Variants in ZSWIM5 observed in about 807,000 individuals in gnomAD.
ZSWIM5 encodes zinc finger SWIM domain-containing protein 5.
A neutral mutation model predicts 119.6 loss-of-function variants in ZSWIM5; 55 were observed. The observed-to-expected ratio is 0.46, with a 90% CI of 0.37 to 0.58. The LOEUF is 0.58. Ranked by LOEUF, ZSWIM5 falls within the 20% of genes least tolerant of loss-of-function variation. ZSWIM5 has a pLI of 0.00. For synonymous variants in ZSWIM5, 537 were observed against 606.9 expected, an observed-to-expected ratio of 0.88 and a Z score of 1.69; for missense variants, 1,193 against 1,512.8, an observed-to-expected ratio of 0.79 and a Z score of 3.51.
chr1:45,018,825 G>A lies in ZSWIM5; in HGVS notation c.3187C>T (p.Leu1063=). 6.2e-7 allele frequency: 1 copy of A among 1,614,246 alleles called. No individual in the cohort carries two copies. The highest frequency in any genetic ancestry group is 1.1e-5 in the South Asian group (1 of 91,090). Residue 1063 remains leucine (L), a synonymous_variant, in exon 14 of 14, where the codon CTG becomes TTG. Transcript: ENST00000359600. The surrounding 1 kb of genome is among the most constrained non-coding windows in gnomAD (Gnocchi z 6.7). ...GCACAGTGCACACTCTTCACCACCA[G>A]GGGGATGAGAGCTGCCAGCTCATTC... The part of the protein sequence containing the change: ...GKNELAALIP[L]VVKSVHCATV...
At chr1:45,050,489 CTGA>C (rs1189906441) in intron 5 of ZSWIM5, among the ~76,000 whole-genome samples, 1 of 152,154 alleles carries the variant, frequency 6.6e-6, no homozygotes, top group Non-Finnish European at 1.5e-5. Flanking sequence ...TGAACTAAAA[CTGA>C]TACGAATGCT....
intron 1 of ZSWIM5, among the ~76,000 whole-genome samples, chr1:45,098,409 G>C (rs1176035482): frequency 1.3e-5 from 2 of 152,114 alleles, no homozygotes; most frequent in Non-Finnish European, 2.9e-5. Flanking sequence ...TCTCTTGCCT[G>C]GGTTAACTAA....
intron 3 of ZSWIM5, 141 bp from the exon 4 acceptor site, chr1:45,058,900 C>G (rs12756491): frequency 1.1e-6 from 1 of 902,824 alleles, no homozygotes; most frequent in South Asian, 1.6e-5. Context: ...GCCTCTTGTT[C>G]TGTAAGCAAG....
intron 1 of ZSWIM5, among the ~76,000 whole-genome samples, chr1:45,143,683 A>T (rs1335928373): frequency 1.3e-5 from 2 of 152,212 alleles, no homozygotes; most frequent in African/African-American, 4.8e-5. Flanking sequence ...ACAAGAAGAA[A>T]ATGTAATAAA....
chr1:45,181,065 C>T (rs929439351), intron 1 of ZSWIM5, among the ~76,000 whole-genome samples: 9 of 152,084 alleles, frequency 5.9e-5, no homozygotes, highest in African/African-American at 2.2e-4. Flanking sequence ...TCACCAGCAA[C>T]AGAACAAAGC....
intron 1 of ZSWIM5, among the ~76,000 whole-genome samples, chr1:45,135,532 T>A (rs761304596): frequency 4.6e-5 from 7 of 152,218 alleles, no homozygotes; most frequent in Non-Finnish European, 7.3e-5. Flanking sequence ...TCTATGCTTA[T>A]GGAATGTCTT....
At chr1:45,165,885 G>C (rs1343629002) in intron 1 of ZSWIM5, among the ~76,000 whole-genome samples, 1 of 152,028 alleles carries the variant, frequency 6.6e-6, no homozygotes, top group Non-Finnish European at 1.5e-5. Flanking sequence ...TTCTATCAGA[G>C]GTACAATGAG....
At chr1:45,143,509 A>C (rs758320352) in intron 1 of ZSWIM5, among the ~76,000 whole-genome samples, 11 of 152,206 alleles carry the variant, frequency 7.2e-5, no homozygotes, top group Admixed American at 1.3e-4. Flanking sequence ...AATAGAAGTA[A>C]ATTTCTTCAA....
chr1:45,205,893 G>T lies in ZSWIM5; in HGVS notation c.458C>A (p.Pro153His). 2 of 1,074,596 alleles carry T rather than the reference G, an allele frequency of 1.9e-6. No homozygotes were observed. The highest frequency in any genetic ancestry group is 4.3e-5 in the South Asian group (1 of 23,252). The allele number at this position is 1,074,596 out of a possible 1,614,324, so 66.6% of individuals were successfully genotyped here. Residue 153 changes from proline (P) to histidine (H), a missense_variant, in exon 1 of 14, where the codon CCC becomes CAC. Around this residue, in one of 2 missense-constraint regions of ZSWIM5, gnomAD observed 232 missense variants for 222.9 expected, o/e 1.04. Transcript: ENST00000359600. ...PGAAAPAGSA[P>H]GGVAAGASPG... ...GGATGCCCCAGCCGCGACGCCCCCG[G>T]GGGCGGAGCCGGCCGGAGCGGCGGC...
At chr1:45,035,918 T>C (rs1557742672) in intron 9 of ZSWIM5, 95 bp from the exon 10 acceptor site, 4 of 1,578,638 alleles carry the variant, frequency 2.5e-6, no homozygotes, top group Non-Finnish European at 3.4e-6. Flanking sequence ...TTGCTAATCA[T>C]GGGAACCTTC....
At chr1:45,035,065 G>A (rs1644974754) in intron 10 of ZSWIM5, among the ~76,000 whole-genome samples, 1 of 152,280 alleles carries the variant, frequency 6.6e-6, no homozygotes, top group Admixed American at 6.5e-5. Flanking sequence ...TAGGATTATA[G>A]GCTTGAGCCA....
intron 1 of ZSWIM5, among the ~76,000 whole-genome samples, chr1:45,140,102 G>C (rs1473366686): frequency 1.3e-5 from 2 of 152,166 alleles, no homozygotes; most frequent in Non-Finnish European, 2.9e-5. Flanking sequence ...ATGGAAGTGT[G>C]CTGTGATAAG....
At chr1:45,115,807 G>A (rs952400418) in intron 1 of ZSWIM5, among the ~76,000 whole-genome samples, 25 of 151,472 alleles carry the variant, frequency 1.7e-4, no homozygotes, top group Non-Finnish European at 1.0e-4. Flanking sequence ...CATCCCAGAC[G>A]ATGGGCGGCC....
chr1:45,190,276 G>T (rs1231755157), intron 1 of ZSWIM5, among the ~76,000 whole-genome samples: 1 of 152,104 alleles, frequency 6.6e-6, no homozygotes, highest in Non-Finnish European at 1.5e-5. Flanking sequence ...AGTGAGCTGA[G>T]ATCATACCAC....
chr1:45,173,049 C>T (rs1330333634), intron 1 of ZSWIM5, among the ~76,000 whole-genome samples: 1 of 151,986 alleles, frequency 6.6e-6, no homozygotes, highest in Non-Finnish European at 1.5e-5. Flanking sequence ...CCTGTGGTCC[C>T]AACTTCTTGG....
intron 2 of ZSWIM5, among the ~76,000 whole-genome samples, chr1:45,061,325 A>C (rs1013254660): frequency 3.3e-5 from 5 of 151,702 alleles, no homozygotes; most frequent in African/African-American, 1.2e-4. Flanking sequence ...CTGACAAATA[A>C]TTGTGTGTAT....
At chr1:45,158,578 A>T (rs72888958) in intron 1 of ZSWIM5, among the ~76,000 whole-genome samples, 2 of 152,376 alleles carry the variant, frequency 1.3e-5, no homozygotes, top group African/African-American at 4.8e-5. Context: ...GAATTTGAGC[A>T]AGTTATTTAA....
chr1:45,162,699 C>T (rs778395957), intron 1 of ZSWIM5, among the ~76,000 whole-genome samples: 11 of 151,786 alleles, frequency 7.2e-5, no homozygotes, highest in Admixed American at 1.3e-4. Context: ...GAGGGTTCCA[C>T]GCCCACGGAG....
At chr1:45,152,874 C>T (rs1411166391) in intron 1 of ZSWIM5, among the ~76,000 whole-genome samples, 1 of 151,766 alleles carries the variant, frequency 6.6e-6, no homozygotes, top group Non-Finnish European at 1.5e-5. Flanking sequence ...GGGCTAATAT[C>T]CAGAATCTAT....
Sources: gnomAD v4.1 joint callset for allele counts (sites outside exome capture counted in the v4.1 genomes callset) on GRCh38, gnomAD v4.1.1 for gene constraint, gnomAD v4.1.1 regional missense constraint, Gnocchi (gnomAD v3.1) non-coding constraint, MANE v1.5 for transcripts, NCBI Gene and HGNC (gene_info 2026-07-23, HGNC 2026-07-21) for gene names.